Variants in COL9A3 observed in about 807,000 individuals in gnomAD.
COL9A3 encodes the protein collagen type IX alpha 3 chain, also known as collagen alpha-3(IX) chain.
COL9A3 carries 82 observed loss-of-function variants against 110.2 expected under a neutral mutation model. The ratio of observed to expected loss-of-function variants is 0.74; its 90% CI spans 0.62 to 0.89. COL9A3 has a LOEUF of 0.89. Ranked by LOEUF, COL9A3 falls within the 40% of genes least tolerant of loss-of-function variation. The probability of loss-of-function intolerance (pLI) is 0.00; values close to 1 mark genes in which losing one functional copy is unlikely to be tolerated. For synonymous variants in COL9A3, 494 were observed against 403.8 expected (o/e 1.22, Z -2.68); for missense variants, 1,066 against 981.3 (o/e 1.09, Z -1.15).
chr20:62,821,984 A>G lies in COL9A3; in HGVS notation c.424-127A>G. 8 of 789,152 alleles carry G rather than the reference A, an allele frequency of 1.0e-5. No individual in the cohort carries two copies. The Middle Eastern group carries it at 1.6e-3, about 157-fold the overall frequency. The allele number at this position is 789,152 out of a possible 1,614,324, so 48.9% of individuals were successfully genotyped here. On this transcript the variant is annotated intron_variant, in intron 8 of 31. Coordinates refer to ENST00000649368, the MANE Select transcript of COL9A3 (RefSeq NM_001853.4). ...ATCCAGACCCGACCTCAGGACGCAG[A>G]CACCAGCACAGTCCGTGGGAGTGGG...
upstream of COL9A3, among the ~76,000 whole-genome samples, chr20:62,816,867 C>T (rs1258818394): frequency 6.6e-6 from 1 of 151,042 alleles, no homozygotes; most frequent in African/African-American, 2.4e-5. Flanking sequence ...GCCCGCCCGG[C>T]GTCTTTTTTG....
rs1319863398 is a variant in COL9A3 at position 62,821,181 on chromosome 20, G to A, written c.310G>A (p.Gly104Arg). 1 of 1,613,172 alleles carries A rather than the reference G, an allele frequency of 6.2e-7. No individual in the cohort carries two copies. Among genetic ancestry groups the A allele is most frequent in the Non-Finnish European group, 8.5e-7 (1 of 1,179,826 alleles). ...PGPKGAPGER[G>R]SLGPPGPPGL... ...CTAGACGCCTGCTTTCCTCCCACAGGGAAGTCTGGGACCCCCGGGGCCGCC... is the reference window on the plus strand; with the variant it reads ...CTAGACGCCTGCTTTCCTCCCACAGAGAAGTCTGGGACCCCCGGGGCCGCC... The change falls in exon 6 of 32, where the codon GGA becomes AGA. Residue 104 changes from glycine (G) to arginine (R), a missense_variant and splice_region_variant. Physicochemically the swap from Gly to Arg is moderately radical, Grantham distance 125 (BLOSUM62 -2). Coordinates refer to ENST00000649368, the MANE Select transcript of COL9A3 (RefSeq NM_001853.4).
At chr20:62,832,818 T>G in intron 25 of COL9A3, 4 of 555,494 alleles carry the variant, frequency 7.2e-6, no homozygotes, top group East Asian at 3.0e-5. Flanking sequence ...ATGTCTTCCG[T>G]TTTTTGGCCC....
At chr20:62,827,838 G>T (rs2063566070) in intron 16 of COL9A3, 85 bp from the exon 17 acceptor site, 3 of 1,438,370 alleles carry the variant, frequency 2.1e-6, no homozygotes, top group Non-Finnish European at 2.9e-6. Flanking sequence ...ATAGCTCCTT[G>T]GTGTCCCCGA....
At position 62,819,994 on chromosome 20, in the gene COL9A3, C is replaced by G; in HGVS notation, c.309+12C>G. ...CCCCTGGGGAACGGGTAAGTGCCTG[C>G]GCCGAACCCAGTGGCTTGGGTTCAG... On this transcript the variant is annotated intron_variant, in intron 5 of 31. Coordinates refer to ENST00000649368, the MANE Select transcript of COL9A3 (RefSeq NM_001853.4). The G allele has an allele frequency of 6.2e-7, 1 of 1,612,462 alleles. No homozygotes were observed. Among genetic ancestry groups the G allele is most frequent in the Admixed American group, 1.7e-5 (1 of 59,994 alleles).
intron 31 of COL9A3, 133 bp downstream of exon 31, chr20:62,838,894 G>A (rs2147232031): frequency 1.3e-6 from 1 of 799,946 alleles, no homozygotes. Context: ...TTAGAGACAA[G>A]ATTAGGAATT....
Position 62,835,906 on chromosome 20 carries a change from C to T in COL9A3, c.1369-15C>T. On this transcript the variant is annotated splice_polypyrimidine_tract_variant and intron_variant, in intron 26 of 31. Transcript: ENST00000649368. ...CAATACACTTAGTTCAAACACACAA[C>T]TTTTCTCTTCACAGGGTCCCAGCGG... The T allele has an allele frequency of 6.2e-7, 1 of 1,614,224 alleles. No homozygotes were observed. Among genetic ancestry groups the T allele is most frequent in the Non-Finnish European group, 8.5e-7 (1 of 1,180,032 alleles).
Position 62,840,996 on chromosome 20 carries a change from A to ACAACT in COL9A3, c.*266_*270dup. 2.1e-6 allele frequency: 1 copy of ACAACT among 480,810 alleles called. No homozygotes were observed. The highest frequency in any genetic ancestry group is 3.8e-6 in the Non-Finnish European group (1 of 264,240). The allele number at this position is 480,810 out of a possible 1,614,324, so 29.8% of individuals were successfully genotyped here. On this transcript the variant is annotated 3_prime_UTR_variant, in exon 32 of 32. Transcript: ENST00000649368. ...GGTGTGTATATATAAAAGGTTGTGT[A>ACAACT]CAACTCCACGAGGTGAAAAATATTC...
At position 62,817,160 on chromosome 20, in the gene COL9A3, G is replaced by A. The variant is rs1384209686; in HGVS notation, c.78+18G>A. On this transcript the variant is annotated intron_variant, in intron 1 of 31. Coordinates refer to ENST00000649368, the MANE Select transcript of COL9A3 (RefSeq NM_001853.4). ...GGGCGCAGGTGAGCGCGAGCTCCGG[G>A]CTCTGAGGCTGGACGTGGAGCCGCG... is the stretch of plus-strand genomic sequence containing the variant. 1.5e-6 allele frequency: 2 copies of A among 1,378,492 alleles called. No homozygotes were observed. The highest frequency in any genetic ancestry group is 1.5e-5 in the South Asian group (1 of 67,596). 85.4% of individuals were successfully genotyped at this position (1,378,492 alleles called of 1,614,324 possible).
At chr20:62,821,888 C>T (rs1300596428) in intron 8 of COL9A3, 78 bp downstream of exon 8, 10 of 842,436 alleles carry the variant, frequency 1.2e-5, no homozygotes, top group Non-Finnish European at 2.0e-5. Flanking sequence ...CAGGGGCTCC[C>T]TTCCCCTCTC....
intron 16 of COL9A3, among the ~76,000 whole-genome samples, 185 bp from the exon 17 acceptor site, chr20:62,827,738 C>T (rs1215404924): frequency 1.3e-5 from 2 of 152,230 alleles, no homozygotes; most frequent in East Asian, 3.8e-4. Context: ...CCGTGCCGTC[C>T]TGCAGCATCT....
intron 20 of COL9A3, 41 bp from the exon 21 acceptor site, chr20:62,829,587 G>A: frequency 6.2e-7 from 1 of 1,610,296 alleles, no homozygotes; most frequent in Non-Finnish European, 8.5e-7. Flanking sequence ...TGGCCCCAGT[G>A]CAGGTGTAGG....
intron 12 of COL9A3, 62 bp from the exon 13 acceptor site, chr20:62,825,755 G>C (rs766347006): frequency 5.3e-6 from 8 of 1,500,320 alleles, no homozygotes; most frequent in Non-Finnish European, 6.4e-6. Flanking sequence ...GTGACTGGAG[G>C]CACCGAAAGG....
At chr20:62,825,941 T>A in intron 13 of COL9A3, 71 bp downstream of exon 13, 2 of 1,486,994 alleles carry the variant, frequency 1.3e-6, no homozygotes, top group Admixed American at 4.0e-5. Context: ...CCTGCACATA[T>A]CTACCCCCGA....
chr20:62,833,854 C>T (rs140451919), intron 26 of COL9A3, among the ~76,000 whole-genome samples: 6 of 149,962 alleles, frequency 4.0e-5, no homozygotes, highest in East Asian at 3.9e-4. Flanking sequence ...CTCCCACAGT[C>T]GACTAATTTT....
intron 3 of COL9A3, among the ~76,000 whole-genome samples, 172 bp downstream of exon 3, chr20:62,818,725 G>A (rs1568747363): frequency 1.3e-5 from 2 of 152,224 alleles, no homozygotes; most frequent in East Asian, 3.8e-4. Flanking sequence ...GGAGGGGAGT[G>A]TGTGGGCTCA....
intron 20 of COL9A3, 40 bp downstream of exon 20, chr20:62,829,539 G>GAGGGGCCGGGAGGCA (rs772702861): frequency 1.3e-4 from 216 of 1,610,334 alleles, no homozygotes; most frequent in Admixed American, 2.2e-4. Context: ...GAGGGGAGGC[G>GAGGGGCCGGGAGGCA]AGGGGCCGGG....
At position 62,819,514 on chromosome 20, in the gene COL9A3, G is replaced by A. The variant is rs555815908; in HGVS notation, c.255+221G>A. Among the ~76,000 whole-genome samples, 60 of 152,314 alleles carry A rather than the reference G, an allele frequency of 3.9e-4. No homozygotes were observed. The South Asian group carries it at 5.0e-3, about 13-fold the overall frequency. On this transcript the variant is annotated intron_variant, in intron 4 of 31. Transcript: ENST00000649368. The stretch of plus-strand genomic sequence containing the variant: ...CCAGCCCAGTGGAGTCGGAAGTCCC[G>A]CCAGCCCTCCTTGCTTGTCCAGGAA...
At chr20:62,822,791 G>T (rs1280655835) in intron 10 of COL9A3, among the ~76,000 whole-genome samples, 159 bp downstream of exon 10, 1 of 151,900 alleles carries the variant, frequency 6.6e-6, no homozygotes, top group African/African-American at 2.4e-5. Context: ...GCACAACCTG[G>T]CAGAGAGGCT....
Sources: allele counts gnomAD v4.1 joint callset (sites outside exome capture counted in the v4.1 genomes callset), GRCh38; gene constraint gnomAD v4.1.1; transcripts MANE v1.5; gene names NCBI Gene and HGNC (gene_info 2026-07-23, HGNC 2026-07-21).